DDX59: variants seen among roughly 807,000 people sequenced by gnomAD.
The protein encoded by DDX59 is probable ATP-dependent RNA helicase DDX59.
A neutral mutation model predicts 51.9 loss-of-function variants in DDX59; 30 were observed. That is an observed-to-expected ratio of 0.58 (90% CI 0.43 to 0.78). The LOEUF (loss-of-function observed/expected upper bound fraction) is 0.78, where lower values mean the gene tolerates loss of function less well. Ranked by LOEUF, DDX59 falls within the 30% of genes least tolerant of loss-of-function variation. DDX59 has a pLI of 0.00. For missense variants in DDX59, 672 were observed against 730.8 expected (o/e 0.92, Z 0.93); for synonymous variants, 255 against 253.3 (o/e 1.01, Z -0.06).
rs1013275399 is a variant in DDX59 at position 200,654,436 on chromosome 1, A to C, written c.1063-3760T>G. 1.6e-4 allele frequency: 25 copies of C among 151,922 alleles called. 1 individual carries two copies. The highest frequency in any genetic ancestry group is 5.6e-4 in the African/African-American group (23 of 41,414). 9.4% of individuals were successfully genotyped at this position (151,922 alleles called of 1,614,324 possible). A position where few individuals can be genotyped will look rare whatever the true frequency, so the allele number is the denominator to read the frequency against. Reference sequence around the variant, plus strand: ...GCCTGAGGGGAAAAAAAACAAAAGGATCACCTGGAATGAGTTTGTAGAGAT... The same window carrying C: ...GCCTGAGGGGAAAAAAAACAAAAGGCTCACCTGGAATGAGTTTGTAGAGAT... On this transcript the variant is annotated intron_variant, in intron 4 of 7. Transcript: ENST00000331314.
downstream of DDX59, chr1:200,641,058 A>G: frequency 4.1e-6 from 3 of 727,612 alleles, no homozygotes; most frequent in Middle Eastern, 5.8e-4. Context: ...TGGCGGCAAC[A>G]AAAGAGTCCT....
At chr1:200,654,223 C>T (rs1661859598) in intron 4 of DDX59, among the ~76,000 whole-genome samples, 1 of 152,088 alleles carries the variant, frequency 6.6e-6, no homozygotes, top group Non-Finnish European at 1.5e-5. Flanking sequence ...ACTATCCTGG[C>T]TAACACGGTG....
intron 5 of DDX59, among the ~76,000 whole-genome samples, 198 bp from the exon 6 acceptor site, chr1:200,649,424 C>T (rs565996714): frequency 4.3e-4 from 66 of 151,816 alleles, no homozygotes; most frequent in African/African-American, 1.5e-3. Flanking sequence ...GTTAGGAGTT[C>T]GAGACCAGCC....
At chr1:200,651,034 GT>G (rs912940616) in intron 4 of DDX59, among the ~76,000 whole-genome samples, 6 of 151,592 alleles carry the variant, frequency 4.0e-5, no homozygotes, top group Admixed American at 6.6e-5. Context: ...TGATTGCTAG[GT>G]TAAAAAAAAG....
At chr1:200,650,281 T>C (rs569964371) in intron 5 of DDX59, 144 bp downstream of exon 5, 22 of 847,268 alleles carry the variant, frequency 2.6e-5, no homozygotes, top group South Asian at 1.0e-4. Flanking sequence ...TTGATTCTCA[T>C]AGAATTCTAG....
At chr1:200,667,691 A>AG (rs962634042) in intron 1 of DDX59, among the ~76,000 whole-genome samples, 4 of 152,344 alleles carry the variant, frequency 2.6e-5, no homozygotes, top group African/African-American at 9.6e-5. Context: ...TTAAAATCAA[A>AG]GCCACAAATC....
chr1:200,658,694 G>C (rs1185483770), intron 4 of DDX59, among the ~76,000 whole-genome samples: 3 of 152,068 alleles, frequency 2.0e-5, no homozygotes, highest in Non-Finnish European at 4.4e-5. Context: ...AACAGAGCAA[G>C]ACCCTGTCTC....
At chr1:200,662,506 C>T (rs1662440247) in intron 3 of DDX59, among the ~76,000 whole-genome samples, 1 of 152,016 alleles carries the variant, frequency 6.6e-6, no homozygotes, top group Non-Finnish European at 1.5e-5. Flanking sequence ...AATACAAAAA[C>T]TTAGCTGGGC....
chr1:200,661,685 C>A (rs1662383832), intron 3 of DDX59, among the ~76,000 whole-genome samples: 1 of 152,216 alleles, frequency 6.6e-6, no homozygotes, highest in Non-Finnish European at 1.5e-5. Flanking sequence ...ACATGTGATT[C>A]TGAACTGGAT....
In DDX59 at chr1:200,649,175, C is replaced by A. The variant is rs749159795; in HGVS notation, c.1366G>T (p.Gly456Ter). 4 of 1,598,486 alleles carry A rather than the reference C, an allele frequency of 2.5e-6. No homozygotes were observed. The highest frequency in any genetic ancestry group is 3.4e-6 in the Non-Finnish European group (4 of 1,175,032). The change falls in exon 6 of 8, where the codon GGA (glycine) becomes TGA (stop). Residue 456 changes from glycine (G) to a stop codon, truncating the protein, a stop_gained. Transcript: ENST00000331314. LOFTEE classifies it high-confidence loss of function. ...ACGGCTTCACTCAAAAGATCTGCTC[C>A]TAGTTTGCAGTCCACAAATACTAAC... ...PVLVFVDCKLGADLLSEAVQK... is the reference protein window; with the variant it reads ...PVLVFVDCKL
chr1:200,667,556 T>A (rs572679222), intron 1 of DDX59, among the ~76,000 whole-genome samples: 1 of 152,214 alleles, frequency 6.6e-6, no homozygotes, highest in Non-Finnish European at 1.5e-5. Flanking sequence ...CTTGTACACA[T>A]GGTCTATTTC....
intron 4 of DDX59, among the ~76,000 whole-genome samples, chr1:200,656,743 G>C (rs1348643777): frequency 6.6e-6 from 1 of 152,176 alleles, no homozygotes; most frequent in Non-Finnish European, 1.5e-5. Flanking sequence ...GGAAGAAAAT[G>C]AAAATGCTGT....
chr1:200,641,111 C>T, downstream of DDX59: 4 of 1,252,414 alleles, frequency 3.2e-6, no homozygotes, highest in Non-Finnish European at 4.2e-6. Flanking sequence ...AGGAAAGTCA[C>T]CTTGGATGAC....
At chr1:200,665,726 A>G (rs563818496) in intron 2 of DDX59, among the ~76,000 whole-genome samples, 1 of 152,308 alleles carries the variant, frequency 6.6e-6, no homozygotes, top group South Asian at 2.1e-4. Flanking sequence ...CAATAAAGAG[A>G]TCTCTGGTTC....
downstream of DDX59, chr1:200,641,045 C>G: frequency 1.8e-6 from 1 of 553,584 alleles, no homozygotes; most frequent in South Asian, 1.7e-5. Flanking sequence ...TGTAAGTATG[C>G]CTTGGCGGCA....
chr1:200,662,122 C>A (rs1484835605), intron 3 of DDX59, among the ~76,000 whole-genome samples: 1 of 152,174 alleles, frequency 6.6e-6, no homozygotes, highest in Admixed American at 6.5e-5. Context: ...GCCTGCAGAA[C>A]CATGAGCCAA....
chr1:200,652,152 C>T (rs759929571), intron 4 of DDX59, among the ~76,000 whole-genome samples: 9 of 151,802 alleles, frequency 5.9e-5, no homozygotes, highest in Non-Finnish European at 1.0e-4. Context: ...TAAACTATTA[C>T]GGCATGGGGG....
chr1:200,663,851 A>C, intron 3 of DDX59, 68 bp downstream of exon 3: 2 of 1,362,184 alleles, frequency 1.5e-6, no homozygotes, highest in Non-Finnish European at 1.9e-6. Flanking sequence ...CTTCAAGGGG[A>C]AAAAAAACAC....
chr1:200,651,825 G>A (rs1017877921), intron 4 of DDX59, among the ~76,000 whole-genome samples: 1 of 151,966 alleles, frequency 6.6e-6, no homozygotes, highest in African/African-American at 2.4e-5. Flanking sequence ...TGGCTAACAC[G>A]GTGAAACCCT....
Sources: gnomAD v4.1 joint callset for allele counts (sites outside exome capture counted in the v4.1 genomes callset) on GRCh38, gnomAD v4.1.1 for gene constraint, MANE v1.5 for transcripts, NCBI Gene and HGNC (gene_info 2026-07-23, HGNC 2026-07-21) for gene names.